VAV2: variants seen among roughly 807,000 people sequenced by gnomAD.
VAV2 encodes guanine nucleotide exchange factor VAV2.
VAV2 carries 67 observed loss-of-function variants against 132.5 expected under a neutral mutation model. The ratio of observed to expected loss-of-function variants is 0.51; its 90% CI spans 0.42 to 0.62. The LOEUF is 0.62. Ranked by LOEUF, VAV2 falls within the 20% of genes least tolerant of loss-of-function variation. The pLI, the probability that VAV2 is intolerant of heterozygous loss-of-function variation, is 0.00. For synonymous variants in VAV2, 492 were observed against 443.5 expected, an observed-to-expected ratio of 1.11 and a Z score of -1.37; for missense variants, 938 against 1,153.6, an observed-to-expected ratio of 0.81 and a Z score of 2.71.
At position 133,912,696 on chromosome 9, in the gene VAV2, G is replaced by C. The variant is rs1839926370; in HGVS notation, c.321+26407C>G. On this transcript the variant is annotated intron_variant, in intron 2 of 29. Coordinates refer to ENST00000371850, the MANE Select transcript of VAV2 (RefSeq NM_001134398.2). This position sits in a 1 kb window ranked among gnomAD's most constrained non-coding sequence, Gnocchi z 4.3. ...AAGCTGTCAGGCAGCCATCCTCAGGGGCTGCAGTCACCGGTGGTTGACTAT... is the reference window on the plus strand; with the variant it reads ...AAGCTGTCAGGCAGCCATCCTCAGGCGCTGCAGTCACCGGTGGTTGACTAT... Among the ~76,000 whole-genome samples, 1 of 152,164 alleles carries C rather than the reference G, an allele frequency of 6.6e-6. No homozygotes were observed. The highest frequency in any genetic ancestry group is 2.4e-5 in the African/African-American group (1 of 41,430).
At chr9:133,876,859 C>T (rs957888700) in intron 2 of VAV2, among the ~76,000 whole-genome samples, 1 of 152,168 alleles carries the variant, frequency 6.6e-6, no homozygotes, top group African/African-American at 2.4e-5. Flanking sequence ...TCTGTCCTTT[C>T]TGCCAGGAGA....
intron 13 of VAV2, among the ~76,000 whole-genome samples, 172 bp downstream of exon 13, chr9:133,791,611 C>T (rs866112353): frequency 6.6e-6 from 1 of 151,518 alleles, no homozygotes; most frequent in Non-Finnish European, 1.5e-5. Context: ...GGCAAGGAAG[C>T]GTGGATGCTG....
chr9:133,949,315 C>T (rs1841477342), intron 1 of VAV2, among the ~76,000 whole-genome samples: 1 of 152,208 alleles, frequency 6.6e-6, no homozygotes, highest in African/African-American at 2.4e-5. Flanking sequence ...CCTTCCAACA[C>T]TTTCCACAAG....
chr9:133,985,399 A>G (rs1842829435), intron 1 of VAV2, among the ~76,000 whole-genome samples: 1 of 152,136 alleles, frequency 6.6e-6, no homozygotes, highest in African/African-American at 2.4e-5. Context: ...CTCCTACCTC[A>G]GCCTCCCGAG....
intron 5 of VAV2, among the ~76,000 whole-genome samples, chr9:133,811,734 C>T (rs560351957): frequency 5.3e-5 from 8 of 152,330 alleles, no homozygotes; most frequent in South Asian, 4.1e-4. Flanking sequence ...TTAGACCATG[C>T]GCCAAGTTAC....
intron 2 of VAV2, among the ~76,000 whole-genome samples, chr9:133,871,571 GAAGT>G (rs1450056424): frequency 6.6e-6 from 1 of 152,072 alleles, no homozygotes; most frequent in Non-Finnish European, 1.5e-5. Flanking sequence ...CCCTTCTGAT[GAAGT>G]AAGGAGAGAA....
chr9:133,813,901 G>T (rs543133870), intron 4 of VAV2, among the ~76,000 whole-genome samples: 2 of 152,242 alleles, frequency 1.3e-5, no homozygotes, highest in Non-Finnish European at 2.9e-5. Flanking sequence ...CAGAATCCTT[G>T]GCGGTAACAG....
intron 29 of VAV2, among the ~76,000 whole-genome samples, chr9:133,766,651 T>C (rs1833441943): frequency 6.6e-6 from 1 of 151,688 alleles, no homozygotes; most frequent in South Asian, 2.1e-4. Flanking sequence ...ACATACCTAA[T>C]GTAAATTAGG....
At chr9:133,798,829 A>T (rs1295773415) in intron 9 of VAV2, among the ~76,000 whole-genome samples, 1 of 152,192 alleles carries the variant, frequency 6.6e-6, no homozygotes, top group Non-Finnish European at 1.5e-5. Flanking sequence ...GCCTCCGTGA[A>T]CTTGCTAGGA....
At position 133,778,739 on chromosome 9, in the gene VAV2, C is replaced by T. The variant is rs762841306; in HGVS notation, c.1890+23G>A. The T allele has an allele frequency of 3.7e-6, 6 of 1,610,546 alleles. No homozygotes were observed. In the Admixed American group the frequency reaches 5.0e-5, roughly 13 times the overall value. On this transcript the variant is annotated intron_variant, in intron 22 of 29. Coordinates refer to ENST00000371850, the MANE Select transcript of VAV2 (RefSeq NM_001134398.2). ...AGGAGCTGGAGCCGGGGACCCTCGA[C>T]CCTCCCGGGCCCCAGGACCCACCTC...
intron 1 of VAV2, among the ~76,000 whole-genome samples, chr9:133,979,689 C>T (rs1686358548): frequency 6.6e-6 from 1 of 152,220 alleles, no homozygotes; most frequent in Non-Finnish European, 1.5e-5. Context: ...ACCTCTGGCC[C>T]ACGAGGACCT....
chr9:133,987,090 A>G (rs569893476), intron 1 of VAV2, among the ~76,000 whole-genome samples: 1 of 151,994 alleles, frequency 6.6e-6, no homozygotes, highest in South Asian at 2.1e-4. Flanking sequence ...AGGGACCCAG[A>G]GAGGAGGAAG....
rs1391688105 is a variant in VAV2, at chr9:133,783,574, C to G, written c.1652G>C (p.Gly551Ala). ...KMFLRGTFYQ[G>A]YMCTKCGVGA... is the part of the protein sequence containing the mutation. ...GACGCCACACTTGGTACACATGTAT[C>G]CCTGGTAGAAGGTGCCCCTGCACAG... Residue 551 changes from glycine (G) to alanine (A), a missense_variant, in exon 19 of 30, where the codon GGA becomes GCA. By Grantham distance (60) the Gly-to-Ala change is moderately conservative. Transcript: ENST00000371850. 2 of 1,614,022 alleles carry G rather than the reference C, an allele frequency of 1.2e-6. No homozygotes were observed. Among genetic ancestry groups the G allele is most frequent in the African/African-American group, 1.3e-5 (1 of 75,028 alleles).
intron 2 of VAV2, among the ~76,000 whole-genome samples, chr9:133,870,340 C>T (rs569013314): frequency 5.3e-4 from 81 of 152,268 alleles, no homozygotes; most frequent in Non-Finnish European, 9.0e-4. Flanking sequence ...CTCACTCGAG[C>T]CAGGCAACTA....
rs113260200 is a variant in VAV2 at position 133,912,354 on chromosome 9, A to G, written c.321+26749T>C. Among the ~76,000 whole-genome samples the G allele has an allele frequency of 0.012, 1,783 of 152,280 alleles. 40 individuals carry two copies. The highest frequency in any genetic ancestry group is 0.037 in the African/African-American group (1,544 of 41,550). ...TGAGACCCGGGCTGAACACGAGGCT[A>G]TGTCCGTCCAAATCCCCACAGTCCT... On this transcript the variant is annotated intron_variant, in intron 2 of 29. Coordinates refer to ENST00000371850, the MANE Select transcript of VAV2 (RefSeq NM_001134398.2). This position sits in a 1 kb window ranked among gnomAD's most constrained non-coding sequence, Gnocchi z 4.3.
At chr9:133,965,099 T>C (rs919862741) in intron 1 of VAV2, among the ~76,000 whole-genome samples, 1 of 151,978 alleles carries the variant, frequency 6.6e-6, no homozygotes, top group African/African-American at 2.4e-5. Flanking sequence ...AACCTAGAAC[T>C]GATAACAAAT....
At chr9:133,792,309 T>G (rs1395478779) in intron 12 of VAV2, among the ~76,000 whole-genome samples, 3 of 97,926 alleles carry the variant, frequency 3.1e-5, no homozygotes, top group South Asian at 3.7e-4. Flanking sequence ...GGGTGGGGTA[T>G]GTGTGTGTGA....
chr9:133,796,551 A>C (rs747973183), intron 10 of VAV2, 27 bp from the exon 11 acceptor site: 1 of 1,599,638 alleles, frequency 6.3e-7, no homozygotes, highest in East Asian at 2.2e-5. Flanking sequence ...GCGATGGGAG[A>C]GCCCTCCCCG....
chr9:133,875,711 T>C (rs1301607723), intron 2 of VAV2, among the ~76,000 whole-genome samples: 2 of 152,096 alleles, frequency 1.3e-5, no homozygotes, highest in African/African-American at 4.8e-5. Context: ...CCCGCTCCAG[T>C]CCCCTCTAGC....
Sources: allele counts gnomAD v4.1 joint callset (sites outside exome capture counted in the v4.1 genomes callset), GRCh38; gene constraint gnomAD v4.1.1; non-coding constraint Gnocchi (gnomAD v3.1); transcripts MANE v1.5; gene names NCBI Gene and HGNC (gene_info 2026-07-23, HGNC 2026-07-21).